Variants in CNOT6 observed in about 807,000 individuals in gnomAD.
CNOT6 encodes CCR4-NOT transcription complex subunit 6, also known as carbon catabolite repression 4 protein.
A neutral mutation model predicts 61.2 loss-of-function variants in CNOT6; 12 were observed. The observed-to-expected ratio is 0.20, with a 90% CI of 0.13 to 0.32. The LOEUF is 0.32. CNOT6 is among the 10% of genes least tolerant of loss of function. CNOT6 has a pLI of 1.00. For synonymous variants in CNOT6, 225 were observed against 240.6 expected, an observed-to-expected ratio of 0.94 and a Z score of 0.60; for missense variants, 405 against 663.9, an observed-to-expected ratio of 0.61 and a Z score of 4.28.
At chr5:180,549,822 T>C (rs771744635) in intron 2 of CNOT6, 109 bp from the exon 3 acceptor site, 3 of 790,926 alleles carry the variant, frequency 3.8e-6, no homozygotes, top group Non-Finnish European at 6.1e-6. Flanking sequence ...CACAAGTTTT[T>C]GGATAATAAT....
intron 2 of CNOT6, among the ~76,000 whole-genome samples, chr5:180,532,232 A>ATT (rs1456297428): frequency 6.6e-6 from 1 of 152,052 alleles, no homozygotes; most frequent in Non-Finnish European, 1.5e-5. Context: ...ATTTGACTAT[A>ATT]TTTACCTCTC....
At chr5:180,527,505 T>C (rs1182600485) in intron 1 of CNOT6, among the ~76,000 whole-genome samples, 1 of 152,230 alleles carries the variant, frequency 6.6e-6, no homozygotes, top group Non-Finnish European at 1.5e-5. Flanking sequence ...TAGTATTAAA[T>C]ACGTTCACAT....
chr5:180,567,065 C>G (rs1561665467), intron 7 of CNOT6, 23 bp from the exon 8 acceptor site: 2 of 1,583,960 alleles, frequency 1.3e-6, no homozygotes, highest in Admixed American at 1.9e-5. Context: ...TATGAAATAA[C>G]TGTGCTGTTT....
intron 9 of CNOT6, among the ~76,000 whole-genome samples, chr5:180,568,734 A>G (rs1038592615): frequency 1.2e-4 from 18 of 152,202 alleles, no homozygotes; most frequent in Non-Finnish European, 2.6e-4. Flanking sequence ...TGTGAAGTAT[A>G]GAAAAAATGG....
chr5:180,523,138 A>T (rs1446634081), intron 1 of CNOT6, among the ~76,000 whole-genome samples: 3 of 152,282 alleles, frequency 2.0e-5, no homozygotes. Context: ...TATATGCTGG[A>T]GAATTGCTTG....
chr5:180,513,356 ATTTT>A (rs1194476416), intron 1 of CNOT6, among the ~76,000 whole-genome samples: 1 of 151,480 alleles, frequency 6.6e-6, no homozygotes, highest in Non-Finnish European at 1.5e-5. Context: ...CACCTGACTG[ATTTT>A]TTTTATTTTT....
chr5:180,517,163 G>T (rs961798986), intron 1 of CNOT6, among the ~76,000 whole-genome samples: 2 of 152,056 alleles, frequency 1.3e-5, no homozygotes, highest in Non-Finnish European at 2.9e-5. Flanking sequence ...TTTTCTAAGG[G>T]TTTCACTCCT....
intron 11 of CNOT6, among the ~76,000 whole-genome samples, chr5:180,573,123 A>C (rs1760831098): frequency 6.6e-6 from 1 of 152,172 alleles, no homozygotes; most frequent in South Asian, 2.1e-4. Context: ...GGGAATGCTT[A>C]GCGTTTTCTT....
Position 180,576,042 on chromosome 5 carries a change from T to G in CNOT6, c.*1842T>G, listed in dbSNP as rs1236580031. ...TTTGGTTTTGTTTTTTGCTTTTTGTTTAAGTTGTGCTGACACCAAACACAT... is the reference window on the plus strand; with the variant it reads ...TTTGGTTTTGTTTTTTGCTTTTTGTGTAAGTTGTGCTGACACCAAACACAT... On this transcript the variant is annotated 3_prime_UTR_variant, in exon 12 of 12. Coordinates refer to ENST00000261951, the MANE Select transcript of CNOT6 (RefSeq NM_001370472.1). The G allele has an allele frequency of 6.6e-6, 1 of 152,666 alleles. No homozygotes were observed. Among genetic ancestry groups the G allele is most frequent in the African/African-American group, 2.4e-5 (1 of 41,458 alleles). The allele number at this position is 152,666 out of a possible 1,614,324, so 9.5% of individuals were successfully genotyped here. A position where few individuals can be genotyped will look rare whatever the true frequency, so the allele number is the denominator to read the frequency against.
chr5:180,574,291 G>A lies in CNOT6; in HGVS notation c.*91G>A. On this transcript the variant is annotated 3_prime_UTR_variant, in exon 12 of 12. Coordinates refer to ENST00000261951, the MANE Select transcript of CNOT6 (RefSeq NM_001370472.1). The stretch of plus-strand genomic sequence containing the variant: ...TGAGGTATGGCCACTGAGGATTTTT[G>A]CTTGCTTAAGAATGATTTGGACTTT... 1 of 1,059,018 alleles carries A rather than the reference G, an allele frequency of 9.4e-7. No individual in the cohort carries two copies. The highest frequency in any genetic ancestry group is 1.4e-5 in the South Asian group (1 of 73,708). The allele number at this position is 1,059,018 out of a possible 1,614,324, so 65.6% of individuals were successfully genotyped here.
chr5:180,529,702 C>T lies in CNOT6; in HGVS notation c.112+314C>T, dbSNP rs79163423. 6.6e-5 allele frequency among the ~76,000 whole-genome samples: 10 copies of T among 152,088 alleles called. No individual in the cohort carries two copies. In the East Asian group the frequency reaches 7.7e-4, roughly 12 times the overall value. On this transcript the variant is annotated intron_variant, in intron 2 of 11. Coordinates refer to ENST00000261951, the MANE Select transcript of CNOT6 (RefSeq NM_001370472.1). ...CATGTGAAGTGCTAGTGCCCAGTCA[C>T]GTATTTGTTCTGGTATTTGATTCTC...
intron 1 of CNOT6, among the ~76,000 whole-genome samples, chr5:180,515,041 A>G (rs538867275): frequency 3.5e-4 from 53 of 152,262 alleles, no homozygotes; most frequent in African/African-American, 1.3e-3. Flanking sequence ...AGGCTGTAAC[A>G]TGTCGTCTGA....
chr5:180,566,985 C>G, intron 7 of CNOT6, 103 bp from the exon 8 acceptor site: 1 of 1,108,462 alleles, frequency 9.0e-7, no homozygotes, highest in South Asian at 1.7e-5. Flanking sequence ...AATCTGCAGA[C>G]CAGTCCTTTG....
chr5:180,500,441 C>CT (rs35457190), intron 1 of CNOT6, among the ~76,000 whole-genome samples: 70,002 of 125,856 alleles, frequency 0.56, 18,277 homozygotes, highest in East Asian at 0.75. Context: ...CTTTTCTTTT[C>CT]TTTTTTTTTT....
At chr5:180,501,315 G>A (rs1315941917) in intron 1 of CNOT6, among the ~76,000 whole-genome samples, 1 of 152,200 alleles carries the variant, frequency 6.6e-6, no homozygotes, top group Non-Finnish European at 1.5e-5. Flanking sequence ...ATAAAAATAG[G>A]AAAGAGTTGA....
At chr5:180,547,678 T>A (rs559399602) in intron 2 of CNOT6, among the ~76,000 whole-genome samples, 1 of 152,306 alleles carries the variant, frequency 6.6e-6, no homozygotes, top group African/African-American at 2.4e-5. Context: ...TTGGTTAAGA[T>A]GTACATGTAA....
intron 11 of CNOT6, among the ~76,000 whole-genome samples, chr5:180,573,314 A>G (rs1431237672): frequency 6.6e-6 from 1 of 152,062 alleles, no homozygotes; most frequent in East Asian, 1.9e-4. Context: ...GCCCTCATGG[A>G]GCTGAGGTGT....
intron 4 of CNOT6, among the ~76,000 whole-genome samples, chr5:180,556,018 T>G (rs1185241159): frequency 6.6e-6 from 1 of 152,246 alleles, no homozygotes; most frequent in East Asian, 1.9e-4. Context: ...GAGATACTTG[T>G]AGATTCACAT....
Position 180,553,443 on chromosome 5 carries a change from G to A in CNOT6, c.357G>A (p.Leu119=), listed in dbSNP as rs1387480027. 5 of 1,613,814 alleles carry A rather than the reference G, an allele frequency of 3.1e-6. No homozygotes were observed. The highest frequency in any genetic ancestry group is 1.7e-4 in the Middle Eastern group (1 of 6,058). Reference sequence around the variant, plus strand: ...TTCTACCTTTTGAGCTGGGAAAACTGTTTCAGTTGCAGACTTTAGGCCTGA... The same window carrying A: ...TTCTACCTTTTGAGCTGGGAAAACTATTTCAGTTGCAGACTTTAGGCCTGA... ...LRVLPFELGK[L]FQLQTLGLKG... Residue 119 remains leucine, a synonymous_variant, in exon 4 of 12, where the codon CTG becomes CTA. Coordinates refer to ENST00000261951, the MANE Select transcript of CNOT6 (RefSeq NM_001370472.1).
Sources: gnomAD v4.1 joint callset for allele counts (sites outside exome capture counted in the v4.1 genomes callset) on GRCh38, gnomAD v4.1.1 for gene constraint, MANE v1.5 for transcripts, NCBI Gene and HGNC (gene_info 2026-07-23, HGNC 2026-07-21) for gene names.